FARP1: variants seen among roughly 807,000 people sequenced by gnomAD.
The protein encoded by FARP1 is FERM, ARHGEF and pleckstrin domain-containing protein 1.
FARP1 carries 52 observed loss-of-function variants against 128.8 expected under a neutral mutation model. That is an observed-to-expected ratio of 0.40 (90% confidence interval 0.32 to 0.51). FARP1 has a LOEUF of 0.51. Ranked by LOEUF, FARP1 falls within the 20% of genes least tolerant of loss-of-function variation. FARP1 has a pLI of 0.45. For synonymous variants in FARP1, 580 were observed against 551.8 expected, an observed-to-expected ratio of 1.05 and a Z score of -0.72; for missense variants, 1,333 against 1,367.9, an observed-to-expected ratio of 0.97 and a Z score of 0.40.
At chr13:98,392,323 C>CAA (rs11289484) in intron 11 of FARP1, among the ~76,000 whole-genome samples, 49 of 60,418 alleles carry the variant, frequency 8.1e-4, no homozygotes, top group African/African-American at 1.8e-3. Context: ...CATCTCTACC[C>CAA]AAAAAAAAAA....
intron 2 of FARP1, among the ~76,000 whole-genome samples, chr13:98,273,835 G>A (rs549647645): frequency 6.6e-6 from 1 of 152,216 alleles, no homozygotes; most frequent in Non-Finnish European, 1.5e-5. Flanking sequence ...ACAGTAGCGG[G>A]CCCAGCAGAG....
chr13:98,356,415 C>T (rs1402006290), intron 3 of FARP1, among the ~76,000 whole-genome samples: 1 of 152,034 alleles, frequency 6.6e-6, no homozygotes, highest in Non-Finnish European at 1.5e-5. Flanking sequence ...GTAAAAAATA[C>T]AGGATTATGA....
chr13:98,225,327 G>T (rs1248193814), intron 2 of FARP1, among the ~76,000 whole-genome samples: 1 of 152,136 alleles, frequency 6.6e-6, no homozygotes, highest in African/African-American at 2.4e-5. Flanking sequence ...TCTCCACGAT[G>T]ATCAGACCTC....
At chr13:98,446,621 G>C (rs1214803541) in intron 25 of FARP1, 45 bp from the exon 26 acceptor site, 4 of 1,603,866 alleles carry the variant, frequency 2.5e-6, no homozygotes, top group Admixed American at 3.4e-5. Flanking sequence ...CCCAGCAGCA[G>C]AAGCTGACCC....
intron 13 of FARP1, chr13:98,395,790 T>G: frequency 2.5e-6 from 1 of 405,400 alleles, no homozygotes; most frequent in Non-Finnish European, 4.3e-6. Context: ...GCGGGAGCCC[T>G]CGACTCCCAA....
chr13:98,156,837 G>A (rs1392841471), intron 1 of FARP1, among the ~76,000 whole-genome samples: 1 of 152,218 alleles, frequency 6.6e-6, no homozygotes, highest in African/African-American at 2.4e-5. Context: ...GGGATTACAG[G>A]CATGAGCCAC....
chr13:98,277,689 AG>A (rs1279243222), intron 2 of FARP1, among the ~76,000 whole-genome samples: 1 of 152,144 alleles, frequency 6.6e-6, no homozygotes, highest in Non-Finnish European at 1.5e-5. Flanking sequence ...AGTGAGTCTC[AG>A]TTCCCTGGGC....
intron 1 of FARP1, among the ~76,000 whole-genome samples, chr13:98,156,745 A>G (rs2139114708): frequency 6.6e-6 from 1 of 152,242 alleles, no homozygotes; most frequent in East Asian, 1.9e-4. Flanking sequence ...ATTTTTTTAA[A>G]GAGACAGTGT....
intron 1 of FARP1, among the ~76,000 whole-genome samples, chr13:98,174,600 G>A (rs746505400): frequency 1.3e-5 from 2 of 152,210 alleles, no homozygotes; most frequent in Non-Finnish European, 2.9e-5. Context: ...TGTGTTGTTA[G>A]CTTTGGCAAG....
chr13:98,375,181 A>G (rs9556943), intron 5 of FARP1, among the ~76,000 whole-genome samples: 35,397 of 152,142 alleles, frequency 0.23, 4,364 homozygotes, highest in South Asian at 0.41. Flanking sequence ...GAGATTGTTC[A>G]TTGGATTCAG....
At chr13:98,228,303 T>C (rs1881911948) in intron 2 of FARP1, among the ~76,000 whole-genome samples, 1 of 152,192 alleles carries the variant, frequency 6.6e-6, no homozygotes, top group Admixed American at 6.5e-5. Flanking sequence ...GAGGCTGCCG[T>C]GAGCCAAGAT....
chr13:98,161,408 G>C (rs1876875029), intron 1 of FARP1, among the ~76,000 whole-genome samples: 2 of 151,786 alleles, frequency 1.3e-5, no homozygotes, highest in African/African-American at 4.8e-5. Flanking sequence ...GTAGAGACGG[G>C]GTTTCACCAT....
At chr13:98,309,259 C>T (rs6491417) in intron 2 of FARP1, among the ~76,000 whole-genome samples, 6,060 of 137,732 alleles carry the variant, frequency 0.044, 452 homozygotes, top group African/African-American at 0.15. Flanking sequence ...CTCCGCCTCC[C>T]GGGTTCACGC....
chr13:98,330,753 T>TG (rs1887473987), intron 2 of FARP1, among the ~76,000 whole-genome samples: 1 of 106,980 alleles, frequency 9.3e-6, no homozygotes, highest in Non-Finnish European at 2.0e-5. Flanking sequence ...AGACTCCATC[T>TG]CAAAAAAAAA....
At position 98,413,672 on chromosome 13, in the gene FARP1, T is replaced by C. The variant is rs1487649682; in HGVS notation, c.1826+1638T>C. The stretch of plus-strand genomic sequence containing the variant: ...AAGACCCTGTCTCCAAAATTAAAAT[T>C]AAAATTCTACCAAATGTAACTTTAC... On this transcript the variant is annotated intron_variant, in intron 16 of 26. Transcript: ENST00000319562. Among the ~76,000 whole-genome samples the C allele has an allele frequency of 4.6e-5, 7 of 152,160 alleles. 1 individual carries two copies. The highest frequency in any genetic ancestry group is 4.6e-4 in the Admixed American group (7 of 15,278).
At chr13:98,445,708 T>C (rs9517306) in intron 24 of FARP1, 118,707 of 158,788 alleles carry the variant, frequency 0.75, 45,290 homozygotes, top group Non-Finnish European at 0.83. Context: ...CCCTCTCCCC[T>C]CAAGGTGGCT....
intron 16 of FARP1, among the ~76,000 whole-genome samples, chr13:98,412,329 T>A (rs560512936): frequency 6.6e-6 from 1 of 152,198 alleles, no homozygotes; most frequent in South Asian, 2.1e-4. Flanking sequence ...GCAATAGGGA[T>A]TATAAAGAGT....
In FARP1 at chr13:98,291,444, G is replaced by A. The variant is rs1431040299; in HGVS notation, c.172-52318G>A. Reference sequence around the variant, plus strand: ...GATCCTCACAGTTCAAATCCATGTCGTTCAGAGGCCAAATGTATTTGGGTC... The same window carrying A: ...GATCCTCACAGTTCAAATCCATGTCATTCAGAGGCCAAATGTATTTGGGTC... On this transcript the variant is annotated intron_variant, in intron 2 of 26. Transcript: ENST00000319562. Among the ~76,000 whole-genome samples, 4 of 152,284 alleles carry A rather than the reference G, an allele frequency of 2.6e-5. No homozygotes were observed. In the East Asian group the frequency reaches 5.8e-4, roughly 22 times the overall value.
intron 2 of FARP1, among the ~76,000 whole-genome samples, chr13:98,294,820 C>T (rs972838918): frequency 1.3e-5 from 2 of 151,998 alleles, no homozygotes; most frequent in African/African-American, 4.8e-5. Context: ...AGTTCAAGAC[C>T]AGCCTGGCCA....
Sources: allele counts gnomAD v4.1 joint callset (sites outside exome capture counted in the v4.1 genomes callset), GRCh38; gene constraint gnomAD v4.1.1; transcripts MANE v1.5; gene names NCBI Gene and HGNC (gene_info 2026-07-23, HGNC 2026-07-21).